Variants in EML6 observed in about 807,000 individuals in gnomAD.
EML6 encodes EMAP like 6, also known as echinoderm microtubule-associated protein-like 6.
In EML6, 154 loss-of-function variants were observed where a neutral mutation model predicts 240.1. That is an observed-to-expected ratio of 0.64 (90% CI 0.56 to 0.73). The LOEUF (loss-of-function observed/expected upper bound fraction) is 0.73. Among genes scored for constraint, EML6 ranks in the 30% least tolerant of loss-of-function variants. The probability of loss-of-function intolerance (pLI) is 0.00; values close to 1 mark genes in which losing one functional copy is unlikely to be tolerated. For missense variants in EML6, 2,964 were observed against 2,474.6 expected, an observed-to-expected ratio of 1.20 and a Z score of -4.20; for synonymous variants, 1,148 against 899.0, an observed-to-expected ratio of 1.28 and a Z score of -4.95.
chr2:54,769,742 A>C (rs1269853975), intron 2 of EML6, among the ~76,000 whole-genome samples: 1 of 152,218 alleles, frequency 6.6e-6, no homozygotes, highest in Non-Finnish European at 1.5e-5. Context: ...TGATTAGAAC[A>C]TTTCACATAA....
At chr2:54,864,969 A>T (rs1670889951) in intron 13 of EML6, among the ~76,000 whole-genome samples, 1 of 152,238 alleles carries the variant, frequency 6.6e-6, no homozygotes, top group African/African-American at 2.4e-5. Context: ...ATTATGCAAT[A>T]TGACTACTAA....
chr2:54,889,061 T>C lies in EML6; in HGVS notation c.2439-1993T>C, dbSNP rs116330680. Among the ~76,000 whole-genome samples the C allele has an allele frequency of 1.9e-3, 288 of 152,340 alleles. 1 individual carries two copies. Among genetic ancestry groups the C allele is most frequent in the African/African-American group, 6.3e-3 (260 of 41,576 alleles). Reference sequence around the variant, plus strand: ...CATTTATTTTAAAAGTTCATCTTTCTCTTGCTATTTATGTAAAACCTTGTC... The same window carrying C: ...CATTTATTTTAAAAGTTCATCTTTCCCTTGCTATTTATGTAAAACCTTGTC... On this transcript the variant is annotated intron_variant, in intron 17 of 41. Transcript: ENST00000356458.
intron 28 of EML6, among the ~76,000 whole-genome samples, chr2:54,932,497 C>T (rs1018426638): frequency 6.6e-6 from 1 of 152,164 alleles, no homozygotes; most frequent in Non-Finnish European, 1.5e-5. Flanking sequence ...CTCTCAAGTG[C>T]CACGCCCCAA....
intron 41 of EML6, among the ~76,000 whole-genome samples, chr2:54,969,469 G>C (rs1030977132): frequency 2.6e-5 from 4 of 152,192 alleles, no homozygotes; most frequent in African/African-American, 9.7e-5. Context: ...TCTCCAGCCT[G>C]CTGTGCTGGC....
chr2:54,915,758 T>A (rs779880907), intron 25 of EML6, among the ~76,000 whole-genome samples: 4 of 152,108 alleles, frequency 2.6e-5, no homozygotes, highest in Non-Finnish European at 5.9e-5. Flanking sequence ...CAGGGTACAT[T>A]AGCAGCGTGC....
intron 7 of EML6, among the ~76,000 whole-genome samples, chr2:54,842,962 G>C (rs754572193): frequency 1.1e-4 from 16 of 152,180 alleles, no homozygotes; most frequent in Non-Finnish European, 2.1e-4. Context: ...GCATATTTCT[G>C]AGACATGGTG....
At chr2:54,928,040 T>C (rs918833411) in intron 26 of EML6, among the ~76,000 whole-genome samples, 1 of 152,202 alleles carries the variant, frequency 6.6e-6, no homozygotes, top group Non-Finnish European at 1.5e-5. Context: ...GAACAAGCTT[T>C]TTATATGTCT....
chr2:54,749,904 A>T (rs1391970535), intron 2 of EML6, among the ~76,000 whole-genome samples: 1 of 152,200 alleles, frequency 6.6e-6, no homozygotes, highest in Non-Finnish European at 1.5e-5. Flanking sequence ...ATTTAACATG[A>T]ACTCCCATCA....
At chr2:54,781,574 AAT>A (rs1216759793) in intron 2 of EML6, among the ~76,000 whole-genome samples, 1 of 152,216 alleles carries the variant, frequency 6.6e-6, no homozygotes, top group South Asian at 2.1e-4. Context: ...GAGATTGCTA[AAT>A]ATGTTTTAAA....
At chr2:54,922,364 G>C (rs1326655177) in intron 26 of EML6, among the ~76,000 whole-genome samples, 2 of 152,148 alleles carry the variant, frequency 1.3e-5, no homozygotes, top group Non-Finnish European at 2.9e-5. Flanking sequence ...CCTCACACCT[G>C]TTAGGATGTC....
At chr2:54,909,230 G>A (rs187159445) in intron 24 of EML6, among the ~76,000 whole-genome samples, 2 of 152,174 alleles carry the variant, frequency 1.3e-5, no homozygotes, top group African/African-American at 4.8e-5. Flanking sequence ...AATCACTCTT[G>A]AGTGTCCTAA....
chr2:54,850,588 C>A (rs921300888), intron 10 of EML6, among the ~76,000 whole-genome samples: 6 of 146,248 alleles, frequency 4.1e-5, no homozygotes, highest in Admixed American at 6.8e-5. Flanking sequence ...GAAAAAAAAA[C>A]ATTAGAAAAA....
At chr2:54,967,191 T>G in intron 39 of EML6, 88 bp downstream of exon 39, 1 of 855,970 alleles carries the variant, frequency 1.2e-6, no homozygotes, top group Non-Finnish European at 1.9e-6. Context: ...CTGTGCAGGA[T>G]CTGAAGAAGC....
chr2:54,901,558 C>G (rs1045382496), intron 22 of EML6, among the ~76,000 whole-genome samples: 1 of 152,238 alleles, frequency 6.6e-6, no homozygotes, highest in African/African-American at 2.4e-5. Flanking sequence ...CAGTTTACCC[C>G]TGTTGTTCTG....
chr2:54,727,284 A>G lies in EML6; in HGVS notation c.197+2026A>G, dbSNP rs1486404917. On this transcript the variant is annotated intron_variant, in intron 2 of 41. Coordinates refer to ENST00000356458, the MANE Select transcript of EML6 (RefSeq NM_001039753.4). ...AGGACTGTATTCATAATTCTCCACA[A>G]TATTTGGTTGGGTCAGAGTATGTAT... Among the ~76,000 whole-genome samples the G allele has an allele frequency of 2.7e-5, 4 of 150,636 alleles. No homozygotes were observed. The East Asian group carries it at 5.8e-4, about 22-fold the overall frequency.
At chr2:54,857,942 A>G (rs1263011213) in intron 11 of EML6, among the ~76,000 whole-genome samples, 4 of 152,256 alleles carry the variant, frequency 2.6e-5, no homozygotes, top group Admixed American at 2.0e-4. Context: ...TCCAGCTTAC[A>G]AAGGCTATAT....
chr2:54,902,430 C>T (rs1423809673), intron 22 of EML6, among the ~76,000 whole-genome samples: 1 of 152,150 alleles, frequency 6.6e-6, no homozygotes, highest in Non-Finnish European at 1.5e-5. Context: ...GACAGGGTCT[C>T]CCTCTGTCAT....
chr2:54,879,437 C>G, intron 16 of EML6, 110 bp from the exon 17 acceptor site: 1 of 718,426 alleles, frequency 1.4e-6, no homozygotes, highest in Non-Finnish European at 2.4e-6. Flanking sequence ...CATCCATCAC[C>G]TCAAATATTT....
intron 28 of EML6, among the ~76,000 whole-genome samples, chr2:54,947,784 G>C (rs1270615579): frequency 6.6e-6 from 1 of 152,216 alleles, no homozygotes; most frequent in Non-Finnish European, 1.5e-5. Flanking sequence ...CTTTAGTGCA[G>C]AGTTTGCCCA....
Sources: allele counts gnomAD v4.1 joint callset (sites outside exome capture counted in the v4.1 genomes callset), GRCh38; gene constraint gnomAD v4.1.1; transcripts MANE v1.5; gene names NCBI Gene and HGNC (gene_info 2026-07-23, HGNC 2026-07-21).